YAF2: variants seen among roughly 807,000 people sequenced by gnomAD.
YAF2 encodes YY1-associated factor 2.
Under a neutral mutation model 20.1 loss-of-function variants are expected in YAF2, and 7 were observed. The ratio of observed to expected loss-of-function variants is 0.35; its 90% CI spans 0.20 to 0.65. The LOEUF (loss-of-function observed/expected upper bound fraction) is 0.65, where lower values mean the gene tolerates loss of function less well. Among genes scored for constraint, YAF2 ranks in the 30% least tolerant of loss-of-function variants. The probability of loss-of-function intolerance (pLI) is 0.69; values close to 1 mark genes in which losing one functional copy is unlikely to be tolerated. For missense variants in YAF2, 151 were observed against 219.2 expected (o/e 0.69, Z 1.96); for synonymous variants, 74 against 76.0 (o/e 0.97, Z 0.14).
At chr12:42,163,305 T>C (rs1238343726) in intron 2 of YAF2, among the ~76,000 whole-genome samples, 1 of 152,150 alleles carries the variant, frequency 6.6e-6, no homozygotes, top group African/African-American at 2.4e-5. Context: ...GATTAAAAGC[T>C]AAGCAGTCTG....
chr12:42,204,783 C>A (rs2066993479), intron 2 of YAF2, among the ~76,000 whole-genome samples: 1 of 152,096 alleles, frequency 6.6e-6, no homozygotes, highest in African/African-American at 2.4e-5. Flanking sequence ...TGCGGATAAA[C>A]CTTAAACACA....
chr12:42,211,683 C>T lies in YAF2; in HGVS notation c.152+25916G>A, dbSNP rs550740567. Among the ~76,000 whole-genome samples, 4 of 142,186 alleles carry T rather than the reference C, an allele frequency of 2.8e-5. 1 individual carries two copies. The highest frequency in any genetic ancestry group is 1.1e-4 in the African/African-American group (4 of 37,864). The allele number at this position is 142,186 out of a possible 152,430, so 93.3% of individuals were successfully genotyped here. A position where few individuals can be genotyped will look rare whatever the true frequency, so the allele number is the denominator to read the frequency against. On this transcript the variant is annotated intron_variant, in intron 2 of 3. Transcript: ENST00000534854. The stretch of plus-strand genomic sequence containing the variant: ...TTGCTTGAACTCGGGAGGTGGAGGT[C>T]GCAATGAGCCAAGTCGTGCCATTGC...
chr12:42,196,296 G>T (rs1007866829), intron 2 of YAF2, among the ~76,000 whole-genome samples: 1 of 150,484 alleles, frequency 6.6e-6, no homozygotes. Context: ...TAGAGTGTGT[G>T]TAAAGGCCAG....
At chr12:42,179,592 C>A (rs1019667218) in intron 2 of YAF2, among the ~76,000 whole-genome samples, 6 of 151,938 alleles carry the variant, frequency 3.9e-5, no homozygotes, top group African/African-American at 1.5e-4. Context: ...GAGTTTGAGA[C>A]CAGCCTAGTA....
intron 2 of YAF2, among the ~76,000 whole-genome samples, chr12:42,223,186 T>G (rs61940230): frequency 0.012 from 1,783 of 152,232 alleles, 22 homozygotes; most frequent in Non-Finnish European, 0.019. Context: ...ACTATCATAG[T>G]TGGGTGAAAG....
intron 2 of YAF2, chr12:42,210,463 G>A (rs2067174232): frequency 6.5e-7 from 1 of 1,535,304 alleles, no homozygotes; most frequent in Non-Finnish European, 8.7e-7. Context: ...AACTGAGGGG[G>A]CATGCAGTAC....
chr12:42,235,862 T>C, intron 2 of YAF2: 3 of 1,535,874 alleles, frequency 2.0e-6, no homozygotes, highest in African/African-American at 1.4e-5. Context: ...CTATATTCCT[T>C]CTTCTTCCAG....
chr12:42,226,081 G>A (rs2067684878), intron 2 of YAF2, among the ~76,000 whole-genome samples: 1 of 152,132 alleles, frequency 6.6e-6, no homozygotes, highest in Non-Finnish European at 1.5e-5. Flanking sequence ...TCTCCTTGAA[G>A]AGGTCCTTCA....
At chr12:42,224,409 G>A (rs1434993337) in intron 2 of YAF2, among the ~76,000 whole-genome samples, 4 of 151,882 alleles carry the variant, frequency 2.6e-5, no homozygotes, top group Non-Finnish European at 4.4e-5. Flanking sequence ...TTAAATTCTG[G>A]GATACATGTG....
chr12:42,201,764 G>A (rs924673853), intron 2 of YAF2, among the ~76,000 whole-genome samples: 1 of 152,116 alleles, frequency 6.6e-6, no homozygotes, highest in Admixed American at 6.6e-5. Flanking sequence ...TAGAGACAGG[G>A]TTTCACCATG....
At chr12:42,220,313 T>A (rs184130875) in intron 2 of YAF2, among the ~76,000 whole-genome samples, 2 of 151,852 alleles carry the variant, frequency 1.3e-5, no homozygotes, top group Admixed American at 1.3e-4. Flanking sequence ...TTTATAATCA[T>A]GAGAAAAAGA....
At chr12:42,228,388 CT>C (rs2067839956) in intron 2 of YAF2, among the ~76,000 whole-genome samples, 1 of 62,048 alleles carries the variant, frequency 1.6e-5, no homozygotes, top group African/African-American at 9.4e-5. Context: ...AGTGAGGAGC[CT>C]CTCTGCCCGG....
At chr12:42,209,180 C>A (rs1474620449) in intron 2 of YAF2, among the ~76,000 whole-genome samples, 4 of 151,528 alleles carry the variant, frequency 2.6e-5, no homozygotes, top group African/African-American at 9.7e-5. Flanking sequence ...AGACTTGCAA[C>A]ATATCCTATA....
At chr12:42,235,782 C>T (rs1592074943) in intron 2 of YAF2, 1 of 1,535,570 alleles carries the variant, frequency 6.5e-7, no homozygotes, top group Non-Finnish European at 8.7e-7. Context: ...ATGTCAGGGG[C>T]CCCCATGTGG....
At chr12:42,219,835 T>C (rs1374772772) in intron 2 of YAF2, among the ~76,000 whole-genome samples, 1 of 152,194 alleles carries the variant, frequency 6.6e-6, no homozygotes, top group Non-Finnish European at 1.5e-5. Flanking sequence ...GGCCTGAGAT[T>C]GTACATTTCT....
intron 2 of YAF2, among the ~76,000 whole-genome samples, chr12:42,212,142 C>T (rs906936019): frequency 1.3e-5 from 2 of 151,678 alleles, no homozygotes; most frequent in Non-Finnish European, 2.9e-5. Context: ...AATTTAAATA[C>T]TTGTACAAAA....
At chr12:42,217,957 G>T (rs2067404920) in intron 2 of YAF2, among the ~76,000 whole-genome samples, 2 of 152,024 alleles carry the variant, frequency 1.3e-5, no homozygotes, top group African/African-American at 4.8e-5. Flanking sequence ...ATATAAAATG[G>T]CACAGTGGCC....
At chr12:42,180,436 A>T (rs1173648297) in intron 2 of YAF2, among the ~76,000 whole-genome samples, 3 of 152,252 alleles carry the variant, frequency 2.0e-5, no homozygotes, top group African/African-American at 7.2e-5. Flanking sequence ...GAAGTGAGTG[A>T]TTCCTCCTGT....
intron 2 of YAF2, among the ~76,000 whole-genome samples, chr12:42,196,325 C>T (rs2066751798): frequency 6.6e-6 from 1 of 151,252 alleles, no homozygotes; most frequent in African/African-American, 2.4e-5. Flanking sequence ...GAGCACATCA[C>T]CTATAAGTGG....
Sources: gnomAD v4.1 joint callset for allele counts (sites outside exome capture counted in the v4.1 genomes callset) on GRCh38, gnomAD v4.1.1 for gene constraint, MANE v1.5 for transcripts, NCBI Gene and HGNC (gene_info 2026-07-23, HGNC 2026-07-21) for gene names.